ATR: variants seen among roughly 807,000 people sequenced by gnomAD.
The protein encoded by ATR is ATR checkpoint kinase, also known as serine/threonine-protein kinase ATR.
In ATR, 142 loss-of-function variants were observed where a neutral mutation model predicts 305.3. The observed-to-expected ratio is 0.47, with a 90% confidence interval of 0.41 to 0.53. The LOEUF (loss-of-function observed/expected upper bound fraction) is 0.53, where lower values mean the gene tolerates loss of function less well. Ranked by LOEUF, ATR falls within the 20% of genes least tolerant of loss-of-function variation. The probability of loss-of-function intolerance (pLI) is 0.00; values close to 1 mark genes in which losing one functional copy is unlikely to be tolerated. For synonymous variants in ATR, 1,050 were observed against 1,068.1 expected (o/e 0.98, Z 0.33); for missense variants, 2,135 against 3,133.1 (o/e 0.68, Z 7.60).
chr3:142,519,180 A>T (rs2033035515), intron 24 of ATR, among the ~76,000 whole-genome samples: 1 of 152,206 alleles, frequency 6.6e-6, no homozygotes, highest in African/African-American at 2.4e-5. Flanking sequence ...GTAGAATTTA[A>T]CCCAATGAGC....
Position 142,553,314 on chromosome 3 carries a change from T to C in ATR, c.2718A>G (p.Ala906=). Residue 906 remains alanine (A), a synonymous_variant, in exon 13 of 47, where the codon GCA becomes GCG. Coordinates refer to ENST00000350721, the MANE Select transcript of ATR (RefSeq NM_001184.4). ...CCAGAGCTCTAATTTCTGTGTATGCTGCTCCAGAGACAGATGCTGACTTGG... is the reference window on the plus strand; with the variant it reads ...CCAGAGCTCTAATTTCTGTGTATGCCGCTCCAGAGACAGATGCTGACTTGG... ...LLSKSASVSG[A]AYTEIRALVA... is the part of the protein sequence containing the mutation. 1.2e-6 allele frequency: 2 copies of C among 1,614,092 alleles called. No homozygotes were observed. Among genetic ancestry groups the C allele is most frequent in the South Asian group, 2.2e-5 (2 of 91,082 alleles).
intron 21 of ATR, among the ~76,000 whole-genome samples, chr3:142,530,957 T>C (rs951038749): frequency 6.6e-6 from 1 of 152,176 alleles, no homozygotes; most frequent in East Asian, 1.9e-4. Flanking sequence ...CAATTCTTAG[T>C]TCCTATTCTT....
intron 1 of ATR, among the ~76,000 whole-genome samples, chr3:142,576,283 C>T (rs573676838): frequency 3.5e-4 from 53 of 152,266 alleles, no homozygotes; most frequent in Admixed American, 3.1e-3. Context: ...GTAAATCAGG[C>T]GTTCTGCTTT....
chr3:142,565,153 A>G (rs144546849), intron 3 of ATR, among the ~76,000 whole-genome samples: 97 of 152,292 alleles, frequency 6.4e-4, no homozygotes, highest in African/African-American at 2.2e-3. Flanking sequence ...ACTGTAGGAA[A>G]GAATATAGAC....
chr3:142,462,211 T>A, intron 41 of ATR, 121 bp from the exon 42 acceptor site: 1 of 959,990 alleles, frequency 1.0e-6, no homozygotes, highest in Non-Finnish European at 1.6e-6. Context: ...AGGCTTACTA[T>A]GTGGTATACA....
intron 16 of ATR, among the ~76,000 whole-genome samples, chr3:142,546,373 CT>C (rs2034269171): frequency 6.6e-6 from 1 of 152,264 alleles, no homozygotes; most frequent in African/African-American, 2.4e-5. Flanking sequence ...TTCCCTTAAC[CT>C]TGCCATGTCA....
At chr3:142,553,111 T>C in intron 13 of ATR, 116 bp downstream of exon 13, 1 of 1,328,706 alleles carries the variant, frequency 7.5e-7, no homozygotes, top group Non-Finnish European at 1.0e-6. Context: ...ACTTAAAATA[T>C]AAATTGAAGA....
intron 1 of ATR, among the ~76,000 whole-genome samples, chr3:142,569,740 G>A (rs372226056): frequency 4.7e-4 from 72 of 151,920 alleles, no homozygotes; most frequent in African/African-American, 1.5e-3. Flanking sequence ...TCTGTCTCCC[G>A]GGTTCAAGCA....
chr3:142,508,261 T>C, intron 27 of ATR, 152 bp from the exon 28 acceptor site: 1 of 683,838 alleles, frequency 1.5e-6, no homozygotes, highest in Non-Finnish European at 2.3e-6. Flanking sequence ...AACAGAACAA[T>C]TGTTCAGAGA....
At chr3:142,541,267 G>T (rs537854754) in intron 17 of ATR, among the ~76,000 whole-genome samples, 2 of 152,224 alleles carry the variant, frequency 1.3e-5, no homozygotes, top group South Asian at 4.1e-4. Flanking sequence ...TCCCTTGAAG[G>T]TGATTTGTTA....
At chr3:142,523,594 A>T (rs1280706245) in intron 22 of ATR, among the ~76,000 whole-genome samples, 4 of 152,106 alleles carry the variant, frequency 2.6e-5, no homozygotes, top group South Asian at 2.1e-4. Flanking sequence ...CATTTTTTTT[A>T]AAAGGTCACA....
intron 25 of ATR, among the ~76,000 whole-genome samples, chr3:142,513,867 T>C (rs1284927604): frequency 1.3e-5 from 2 of 152,072 alleles, no homozygotes; most frequent in African/African-American, 4.8e-5. Flanking sequence ...AGATTTTTTC[T>C]TCAAATACAA....
Position 142,469,346 on chromosome 3 carries a change from A to G in ATR, c.6543T>C (p.Ala2181=). 1 of 1,612,904 alleles carries G rather than the reference A, an allele frequency of 6.2e-7. No individual in the cohort carries two copies. The highest frequency in any genetic ancestry group is 8.5e-7 in the Non-Finnish European group (1 of 1,179,102). ...TAAAAGACCCTTTTACCTTTGACACAGCTGTCATCATCCACATTGCTTGTT... is the reference window on the plus strand; with the variant it reads ...TAAAAGACCCTTTTACCTTTGACACGGCTGTCATCATCCACATTGCTTGTT... The part of the protein sequence containing the change: ...YPQQAMWMMT[A]VSKSSYPMRV... Residue 2181 remains alanine, a synonymous_variant, in exon 38 of 47, where the codon GCT becomes GCC. Transcript: ENST00000350721.
intron 19 of ATR, among the ~76,000 whole-genome samples, 188 bp from the exon 20 acceptor site, chr3:142,536,389 G>A (rs2033861826): frequency 6.6e-6 from 1 of 152,192 alleles, no homozygotes; most frequent in South Asian, 2.1e-4. Context: ...AATGACCAAA[G>A]CTATGAAAAT....
intron 8 of ATR, 107 bp downstream of exon 8, chr3:142,558,517 G>C (rs920841432): frequency 1.1e-5 from 10 of 882,566 alleles, no homozygotes; most frequent in Non-Finnish European, 1.3e-5. Flanking sequence ...GTAAGACTCC[G>C]TCTCAAAAAT....
chr3:142,464,360 C>T (rs1328174941), intron 41 of ATR, among the ~76,000 whole-genome samples: 5 of 152,136 alleles, frequency 3.3e-5, no homozygotes, highest in Non-Finnish European at 7.4e-5. Context: ...CTCTTGGCCT[C>T]AAGTGGTCCT....
intron 21 of ATR, among the ~76,000 whole-genome samples, chr3:142,528,982 C>T (rs1413664781): frequency 6.9e-6 from 1 of 145,732 alleles, no homozygotes; most frequent in African/African-American, 2.5e-5. Flanking sequence ...CTCCCGGGTT[C>T]AAGCGATTCT....
chr3:142,516,984 A>AATATATATATAT (rs534243837), intron 24 of ATR, among the ~76,000 whole-genome samples: 1,633 of 139,022 alleles, frequency 0.012, 30 homozygotes, highest in African/African-American at 0.041. Context: ...ATACCCAAAT[A>AATATATATATAT]ATATATATAT....
At chr3:142,509,257 C>T (rs1018459546) in intron 27 of ATR, among the ~76,000 whole-genome samples, 1 of 152,110 alleles carries the variant, frequency 6.6e-6, no homozygotes, top group Non-Finnish European at 1.5e-5. Context: ...GCCTTCACCT[C>T]CTGGACTTAA....
Sources: gnomAD v4.1 joint callset for allele counts (sites outside exome capture counted in the v4.1 genomes callset) on GRCh38, gnomAD v4.1.1 for gene constraint, MANE v1.5 for transcripts, NCBI Gene and HGNC (gene_info 2026-07-23, HGNC 2026-07-21) for gene names.